The following ASTN2 variants were observed in gnomAD, a reference collection of about 807,000 sequenced individuals.
The protein encoded by ASTN2 is astrotactin-2.
ASTN2 carries 54 observed loss-of-function variants against 139.8 expected under a neutral mutation model. That is an observed-to-expected ratio of 0.39 (90% CI 0.31 to 0.48). ASTN2 has a LOEUF of 0.48. Ranked by LOEUF, ASTN2 falls within the 20% of genes least tolerant of loss-of-function variation. The pLI, the probability that ASTN2 is intolerant of heterozygous loss-of-function variation, is 0.95. For synonymous variants in ASTN2, 756 were observed against 719.5 expected, an observed-to-expected ratio of 1.05 and a Z score of -0.81; for missense variants, 1,565 against 1,725.1, an observed-to-expected ratio of 0.91 and a Z score of 1.64.
At position 117,193,811 on chromosome 9, in the gene ASTN2, C is replaced by T. The variant is rs190740487; in HGVS notation, c.1015+20547G>A. The stretch of plus-strand genomic sequence containing the variant: ...ATCTTCCCCTTGCCCTGCACGTGCT[C>T]CTGGCAGCACCCTCAAGGCACAGTC... On this transcript the variant is annotated intron_variant, in intron 3 of 22. Coordinates refer to ENST00000313400, the MANE Select transcript of ASTN2 (RefSeq NM_001365068.1). 5.9e-5 allele frequency among the ~76,000 whole-genome samples: 9 copies of T among 152,264 alleles called. No homozygotes were observed. In the East Asian group the frequency reaches 1.5e-3, roughly 26 times the overall value.
intron 16 of ASTN2, among the ~76,000 whole-genome samples, chr9:116,681,107 T>A (rs12339174): frequency 6.6e-6 from 1 of 152,168 alleles, no homozygotes; most frequent in Non-Finnish European, 1.5e-5. Context: ...GATGACATAA[T>A]TGTATATCTA....
chr9:116,427,440 C>T (rs909008688), intron 22 of ASTN2, among the ~76,000 whole-genome samples: 3 of 152,238 alleles, frequency 2.0e-5, no homozygotes, highest in African/African-American at 7.2e-5. Context: ...TCCCAGGTCA[C>T]ATTACAAGTC....
chr9:117,073,966 A>G (rs1414794229), intron 5 of ASTN2, among the ~76,000 whole-genome samples: 3 of 152,070 alleles, frequency 2.0e-5, no homozygotes, highest in Non-Finnish European at 4.4e-5. Flanking sequence ...TGGGGGAGTC[A>G]CTCATCACTG....
chr9:117,340,681 G>T (rs1056830925), intron 1 of ASTN2, among the ~76,000 whole-genome samples: 2 of 152,154 alleles, frequency 1.3e-5, no homozygotes, highest in Admixed American at 1.3e-4. Context: ...GTCACAGGCA[G>T]AAATGCTCTT....
intron 19 of ASTN2, among the ~76,000 whole-genome samples, chr9:116,538,689 T>G (rs2119336879): frequency 6.6e-6 from 1 of 152,336 alleles, no homozygotes; most frequent in African/African-American, 2.4e-5. Context: ...ATGCACAATT[T>G]TTGCCTTTGA....
intron 19 of ASTN2, among the ~76,000 whole-genome samples, chr9:116,595,975 C>T (rs1230622555): frequency 1.3e-5 from 2 of 152,118 alleles, no homozygotes; most frequent in East Asian, 1.9e-4. Flanking sequence ...GATATCTGTA[C>T]CCCCGTGCTC....
chr9:117,116,548 G>A (rs1350106319), intron 4 of ASTN2, among the ~76,000 whole-genome samples: 1 of 149,294 alleles, frequency 6.7e-6, no homozygotes, highest in Non-Finnish European at 1.5e-5. Flanking sequence ...CAAAGCTATA[G>A]ACAATGTTAA....
At position 116,607,830 on chromosome 9, in the gene ASTN2, A is replaced by G. The variant is rs10817908; in HGVS notation, c.3355+10494T>C. The stretch of plus-strand genomic sequence containing the variant: ...CAAAAAATTAGCCAGGCATGGTGGC[A>G]CGCACCTGTAGTCCCAGCTACTCGG... On this transcript the variant is annotated intron_variant, in intron 19 of 22. Transcript: ENST00000313400. Among the ~76,000 whole-genome samples the G allele has an allele frequency of 0.019, 2,886 of 152,158 alleles. 394 individuals are homozygous for G. In the South Asian group the frequency reaches 0.29, roughly 16 times the overall value.
At chr9:116,957,049 ATTT>A (rs527429954) in intron 10 of ASTN2, among the ~76,000 whole-genome samples, 1 of 141,782 alleles carries the variant, frequency 7.1e-6, no homozygotes, top group African/African-American at 2.6e-5. Flanking sequence ...TTCCCAGTTA[ATTT>A]TTTTTTTTTT....
chr9:117,346,156 C>G (rs1003626929), intron 1 of ASTN2, among the ~76,000 whole-genome samples: 1 of 152,126 alleles, frequency 6.6e-6, no homozygotes, highest in Middle Eastern at 3.2e-3. Flanking sequence ...AAAGATGAGA[C>G]TCACTTGTAC....
rs747023465 is a variant in ASTN2 at position 116,442,598 on chromosome 9, G to A, written c.3498-45C>T. ...CAGAGCACCAGGCTGTGACTTCACAGAAGGCCCTGGGAGTTGCAGGGAAGA... is the reference window on the plus strand; with the variant it reads ...CAGAGCACCAGGCTGTGACTTCACAAAAGGCCCTGGGAGTTGCAGGGAAGA... On this transcript the variant is annotated intron_variant, in intron 20 of 22. Transcript: ENST00000313400. 3 of 1,529,686 alleles carry A rather than the reference G, an allele frequency of 2.0e-6. No homozygotes were observed. In the Admixed American group the frequency reaches 5.0e-5, roughly 26 times the overall value. 94.8% of individuals were successfully genotyped at this position (1,529,686 alleles called of 1,614,324 possible).
intron 16 of ASTN2, among the ~76,000 whole-genome samples, chr9:116,678,647 A>G (rs909403259): frequency 1.3e-5 from 2 of 152,198 alleles, no homozygotes; most frequent in Admixed American, 6.5e-5. Context: ...GATCTTGTAA[A>G]AAACATTCTG....
chr9:116,864,074 G>A lies in ASTN2; in HGVS notation c.1890-341C>T, dbSNP rs1015023242. Among the ~76,000 whole-genome samples, 5 of 152,148 alleles carry A rather than the reference G, an allele frequency of 3.3e-5. No homozygotes were observed. The South Asian group carries it at 6.2e-4, about 19-fold the overall frequency. On this transcript the variant is annotated intron_variant, in intron 10 of 22. Coordinates refer to ENST00000313400, the MANE Select transcript of ASTN2 (RefSeq NM_001365068.1). ...AAGGCCAGCAGCTTACAATGTGACC[G>A]AAGTGAAGTTTGTATTAACTTCCAG... is the stretch of plus-strand genomic sequence containing the variant.
intron 1 of ASTN2, among the ~76,000 whole-genome samples, chr9:117,351,860 A>C (rs1829402455): frequency 6.6e-6 from 1 of 152,152 alleles, no homozygotes; most frequent in Non-Finnish European, 1.5e-5. Flanking sequence ...ACAACCAGAG[A>C]GATTCTAGTC....
intron 3 of ASTN2, among the ~76,000 whole-genome samples, chr9:117,198,465 G>C (rs895352600): frequency 1.3e-5 from 2 of 152,034 alleles, no homozygotes; most frequent in African/African-American, 4.8e-5. Flanking sequence ...AGAATGTGCA[G>C]GTTTGTTACA....
Position 116,483,752 on chromosome 9 carries a change from G to A in ASTN2, c.3497+3607C>T, listed in dbSNP as rs573760428. Among the ~76,000 whole-genome samples, 9 of 152,192 alleles carry A rather than the reference G, an allele frequency of 5.9e-5. No homozygotes were observed. The South Asian group carries it at 1.9e-3, about 32-fold the overall frequency. The stretch of plus-strand genomic sequence containing the variant: ...AAGGGCAGGAGCTCAGGAGGAGAGA[G>A]GGGATGAAAATAAATCCCATGACAG... On this transcript the variant is annotated intron_variant, in intron 20 of 22. Coordinates refer to ENST00000313400, the MANE Select transcript of ASTN2 (RefSeq NM_001365068.1).
intron 19 of ASTN2, among the ~76,000 whole-genome samples, chr9:116,523,610 A>G (rs981422082): frequency 2.0e-5 from 3 of 152,172 alleles, no homozygotes; most frequent in African/African-American, 7.2e-5. Flanking sequence ...TTTCTGGTCT[A>G]AAGTAGGCCC....
intron 3 of ASTN2, among the ~76,000 whole-genome samples, chr9:117,189,282 T>C (rs916811061): frequency 6.6e-6 from 1 of 152,188 alleles, no homozygotes; most frequent in Non-Finnish European, 1.5e-5. Context: ...CACCCATTCA[T>C]TTTAAACATA....
intron 15 of ASTN2, among the ~76,000 whole-genome samples, chr9:116,728,650 A>G (rs1204446642): frequency 1.3e-5 from 2 of 152,164 alleles, no homozygotes; most frequent in African/African-American, 2.4e-5. Flanking sequence ...AGCTTGAAAT[A>G]CTTCAAAAAC....
Sources: allele counts gnomAD v4.1 joint callset (sites outside exome capture counted in the v4.1 genomes callset), GRCh38; gene constraint gnomAD v4.1.1; transcripts MANE v1.5; gene names NCBI Gene and HGNC (gene_info 2026-07-23, HGNC 2026-07-21).